VSTM4: variants seen among roughly 807,000 people sequenced by gnomAD.
The protein encoded by VSTM4 is V-set and transmembrane domain containing 4, also known as V-set and transmembrane domain-containing protein 4.
A neutral mutation model predicts 36.4 loss-of-function variants in VSTM4; 20 were observed. The ratio of observed to expected loss-of-function variants is 0.55; its 90% CI spans 0.39 to 0.80. VSTM4 has a LOEUF of 0.80. Ranked by LOEUF, VSTM4 falls within the 30% of genes least tolerant of loss-of-function variation. The pLI, the probability that VSTM4 is intolerant of heterozygous loss-of-function variation, is 0.00. For missense variants in VSTM4, 392 were observed against 404.5 expected (o/e 0.97, Z 0.26); for synonymous variants, 182 against 173.9 (o/e 1.05, Z -0.37).
rs114533161 is a variant in VSTM4 at position 49,072,255 on chromosome 10, C to T, written c.634+4964G>A. Among the ~76,000 whole-genome samples, 545 of 152,228 alleles carry T rather than the reference C, an allele frequency of 3.6e-3. 5 individuals are homozygous for T. The highest frequency in any genetic ancestry group is 0.013 in the African/African-American group (524 of 41,540). On this transcript the variant is annotated intron_variant, in intron 4 of 7. Transcript: ENST00000332853. ...GCTGTAGAGCTGGTACCTGCCAGAG[C>T]CTAAGACTTTAGAATCACTGTCAGC...
rs940580764 is a variant in VSTM4 at position 49,106,490 on chromosome 10, T to C, written c.457+1104A>G. ...AAAATATGGCACTTGGTAGCTGAGATGTTGCAGAAATGCTGTCCATCCCTC... is the reference window on the plus strand; with the variant it reads ...AAAATATGGCACTTGGTAGCTGAGACGTTGCAGAAATGCTGTCCATCCCTC... On this transcript the variant is annotated intron_variant, in intron 2 of 7. Coordinates refer to ENST00000332853, the MANE Select transcript of VSTM4 (RefSeq NM_001031746.5). 2.0e-4 allele frequency among the ~76,000 whole-genome samples: 30 copies of C among 152,348 alleles called. No homozygotes were observed. The Middle Eastern group carries it at 0.014, about 69-fold the overall frequency.
rs1469438570 is a variant in VSTM4, at chr10:49,016,367, A to G, written c.*3283T>C. 6.6e-6 allele frequency: 1 copy of G among 152,108 alleles called. No individual in the cohort carries two copies. The highest frequency in any genetic ancestry group is 1.5e-5 in the Non-Finnish European group (1 of 68,028). 9.4% of individuals were successfully genotyped at this position (152,108 alleles called of 1,614,324 possible). A position where few individuals can be genotyped will look rare whatever the true frequency, so the allele number is the denominator to read the frequency against. The stretch of plus-strand genomic sequence containing the variant: ...GTCTGTTGCCTTCCAAGGCTTCTCC[A>G]CTAGGCAGGAGATGTGGCAACAGAT... On this transcript the variant is annotated 3_prime_UTR_variant, in exon 8 of 8. Coordinates refer to ENST00000332853, the MANE Select transcript of VSTM4 (RefSeq NM_001031746.5).
intron 2 of VSTM4, among the ~76,000 whole-genome samples, chr10:49,093,377 A>C (rs1373672160): frequency 6.6e-6 from 1 of 152,198 alleles, no homozygotes; most frequent in African/African-American, 2.4e-5. Context: ...GGACAAGGGA[A>C]CTTTTCCCGT....
At chr10:49,100,547 G>A (rs1844648065) in intron 2 of VSTM4, among the ~76,000 whole-genome samples, 1 of 151,186 alleles carries the variant, frequency 6.6e-6, no homozygotes, top group African/African-American at 2.4e-5. Flanking sequence ...AAATGTTCGA[G>A]AGTCATGTGA....
Position 49,076,736 on chromosome 10 carries a change from G to A in VSTM4, c.634+483C>T, listed in dbSNP as rs117308765. On this transcript the variant is annotated intron_variant, in intron 4 of 7. Transcript: ENST00000332853. The stretch of plus-strand genomic sequence containing the variant: ...CAGGGACACCAAAGTGAAAGGAGAC[G>A]GAAGGGAACTCTCAGACTGGTCAGG... Among the ~76,000 whole-genome samples, 15 of 152,232 alleles carry A rather than the reference G, an allele frequency of 9.9e-5. No homozygotes were observed. The East Asian group carries it at 2.5e-3, about 25-fold the overall frequency.
intron 7 of VSTM4, among the ~76,000 whole-genome samples, chr10:49,021,036 T>A (rs577883563): frequency 6.6e-6 from 1 of 152,262 alleles, no homozygotes; most frequent in South Asian, 2.1e-4. Context: ...CATTTTTGTT[T>A]AAAACAATTT....
chr10:49,026,081 G>A (rs979148128), intron 7 of VSTM4, among the ~76,000 whole-genome samples: 3 of 152,192 alleles, frequency 2.0e-5, no homozygotes, highest in Non-Finnish European at 4.4e-5. Flanking sequence ...TACTAGGTCT[G>A]CGTGCTCGGA....
chr10:49,021,045 T>G (rs1308632588), intron 7 of VSTM4, among the ~76,000 whole-genome samples: 1 of 152,146 alleles, frequency 6.6e-6, no homozygotes, highest in East Asian at 1.9e-4. Flanking sequence ...TTAAAACAAT[T>G]TTTGAATGAA....
At chr10:49,034,763 T>C (rs2253873) in intron 7 of VSTM4, among the ~76,000 whole-genome samples, 102,534 of 151,836 alleles carry the variant, frequency 0.68, 36,480 homozygotes, top group Non-Finnish European at 0.8. Flanking sequence ...CTTTCCAAAA[T>C]GGCACTTTAT....
intron 5 of VSTM4, among the ~76,000 whole-genome samples, chr10:49,059,289 C>T (rs895275201): frequency 6.6e-6 from 1 of 152,192 alleles, no homozygotes; most frequent in African/African-American, 2.4e-5. Flanking sequence ...CAGGAGACTG[C>T]TCATAGGGAG....
intron 5 of VSTM4, chr10:49,064,458 G>A (rs1843935925): frequency 3.9e-6 from 2 of 508,862 alleles, no homozygotes; most frequent in Admixed American, 6.8e-5. Context: ...CATACACCAA[G>A]CCTCCTCCAG....
Position 49,094,061 on chromosome 10 carries a change from T to TAATG in VSTM4, c.458-8042_458-8039dup, listed in dbSNP as rs539525877. 7.7e-4 allele frequency among the ~76,000 whole-genome samples: 118 copies of TAATG among 152,294 alleles called. 2 individuals carry two copies. The East Asian group carries it at 0.021, about 27-fold the overall frequency. On this transcript the variant is annotated intron_variant, in intron 2 of 7. Transcript: ENST00000332853. ...GGTGCCCGGCCGTCATAGTTACTCT[T>TAATG]AATGAATGAATGAAATGAACGTGAT...
chr10:49,108,146 G>C, intron 1 of VSTM4, 151 bp from the exon 2 acceptor site: 1 of 1,139,326 alleles, frequency 8.8e-7, no homozygotes, highest in Non-Finnish European at 1.2e-6. Context: ...CACCTCTCCA[G>C]AGGAGGGGTT....
chr10:49,096,591 T>C (rs1389631565), intron 2 of VSTM4, among the ~76,000 whole-genome samples: 1 of 150,748 alleles, frequency 6.6e-6, no homozygotes, highest in East Asian at 1.9e-4. Flanking sequence ...ATCTGTGGGT[T>C]GTAGGATTGG....
intron 1 of VSTM4, among the ~76,000 whole-genome samples, chr10:49,112,370 G>A (rs1844910388): frequency 6.6e-6 from 1 of 152,226 alleles, no homozygotes; most frequent in African/African-American, 2.4e-5. Context: ...AGACACAGAA[G>A]CAGTGGCTTG....
At chr10:49,096,944 T>G (rs1390119571) in intron 2 of VSTM4, among the ~76,000 whole-genome samples, 2 of 152,016 alleles carry the variant, frequency 1.3e-5, no homozygotes, top group Non-Finnish European at 2.9e-5. Flanking sequence ...TGAGCCACCG[T>G]GCCCAGACAA....
chr10:49,108,543 C>T (rs919542021), intron 1 of VSTM4, among the ~76,000 whole-genome samples: 6 of 152,344 alleles, frequency 3.9e-5, no homozygotes, highest in African/African-American at 1.4e-4. Context: ...CCTGACTCCG[C>T]TATTTCAACT....
intron 5 of VSTM4, among the ~76,000 whole-genome samples, chr10:49,059,812 G>A (rs968817629): frequency 6.6e-5 from 10 of 152,166 alleles, no homozygotes; most frequent in African/African-American, 9.7e-5. Context: ...CTACAATACA[G>A]TTTTAAAACA....
Position 49,101,433 on chromosome 10 carries a change from T to C in VSTM4, c.457+6161A>G, listed in dbSNP as rs371635894. Among the ~76,000 whole-genome samples the C allele has an allele frequency of 9.2e-5, 14 of 152,102 alleles. 1 individual carries two copies. The highest frequency in any genetic ancestry group is 7.7e-4 in the East Asian group (4 of 5,198). On this transcript the variant is annotated intron_variant, in intron 2 of 7. Coordinates refer to ENST00000332853, the MANE Select transcript of VSTM4 (RefSeq NM_001031746.5). ...ATTTATTAAGGTTATGGCCAGGAAATTCACAGAATAAATAAATGAACCATG... is the reference window on the plus strand; with the variant it reads ...ATTTATTAAGGTTATGGCCAGGAAACTCACAGAATAAATAAATGAACCATG...
Sources: allele counts gnomAD v4.1 joint callset (sites outside exome capture counted in the v4.1 genomes callset), GRCh38; gene constraint gnomAD v4.1.1; transcripts MANE v1.5; gene names NCBI Gene and HGNC (gene_info 2026-07-23, HGNC 2026-07-21).